Variants in PCDHGA5 observed in about 807,000 individuals in gnomAD.
PCDHGA5 encodes the protein protocadherin gamma-A5.
PCDHGA5 carries 36 observed loss-of-function variants against 56.7 expected under a neutral mutation model. The observed-to-expected ratio is 0.64, with a 90% CI of 0.49 to 0.84. The LOEUF is 0.84. PCDHGA5 is among the 40% of genes least tolerant of loss of function. PCDHGA5 has a pLI of 0.00. For missense variants in PCDHGA5, 1,305 were observed against 1,201.5 expected, an observed-to-expected ratio of 1.09 and a Z score of -1.27; for synonymous variants, 563 against 520.2, an observed-to-expected ratio of 1.08 and a Z score of -1.12.
At chr5:141,433,128 C>T (rs773994964) in intron 1 of PCDHGA5, 3 of 1,614,158 alleles carry the variant, frequency 1.9e-6, no homozygotes, top group Non-Finnish European at 1.7e-6. Flanking sequence ...AAAAGCGAGC[C>T]CCTTTTGCTG....
chr5:141,430,865 C>A, intron 1 of PCDHGA5: 2 of 1,595,350 alleles, frequency 1.3e-6, no homozygotes, highest in Non-Finnish European at 1.7e-6. Flanking sequence ...CTATTCAGTT[C>A]CGGAAGAGCT....
chr5:141,484,549 G>A (rs939394402), intron 1 of PCDHGA5, among the ~76,000 whole-genome samples: 1 of 152,162 alleles, frequency 6.6e-6, no homozygotes, highest in African/African-American at 2.4e-5. Context: ...GTTCTAATTA[G>A]CAGTTGCTCC....
intron 1 of PCDHGA5, among the ~76,000 whole-genome samples, chr5:141,425,336 G>A (rs2096868804): frequency 6.6e-6 from 1 of 152,182 alleles, no homozygotes; most frequent in South Asian, 2.1e-4. Flanking sequence ...CAAAAAGGAA[G>A]GGTTGGCTTT....
At position 141,404,169 on chromosome 5, in the gene PCDHGA5, C is replaced by A; in HGVS notation, c.2421+37418C>A. On this transcript the variant is annotated intron_variant, in intron 1 of 3. Transcript: ENST00000518069. Reference sequence around the variant, plus strand: ...GAAGAAGATTATTACAGATTGTTGACGGCCCAAATTCTTGACCGAGAAAAA... The same window carrying A: ...GAAGAAGATTATTACAGATTGTTGAAGGCCCAAATTCTTGACCGAGAAAAA... 1 of 1,612,736 alleles carries A rather than the reference C, an allele frequency of 6.2e-7. No individual in the cohort carries two copies. The highest frequency in any genetic ancestry group is 8.5e-7 in the Non-Finnish European group (1 of 1,179,276).
intron 1 of PCDHGA5, among the ~76,000 whole-genome samples, chr5:141,381,820 C>CTTTCTTTCTTTCT (rs1279410534): frequency 1.7e-3 from 198 of 119,790 alleles, no homozygotes; most frequent in African/African-American, 6.6e-3. Context: ...TTCTTTCTTT[C>CTTTCTTTCTTTCT]TTCTTCTTTT....
chr5:141,411,868 A>G (rs2095520425), intron 1 of PCDHGA5: 1 of 152,224 alleles, frequency 6.6e-6, no homozygotes, highest in South Asian at 2.1e-4. Flanking sequence ...TCAAAAAAAA[A>G]AGACATTTCT....
At chr5:141,399,519 G>T (rs1467117930) in intron 1 of PCDHGA5, 14 of 1,613,918 alleles carry the variant, frequency 8.7e-6, no homozygotes, top group Non-Finnish European at 1.2e-5. Context: ...ACCCTCCTGG[G>T]GCCTCCATCG....
intron 1 of PCDHGA5, chr5:141,418,637 T>C: frequency 6.2e-7 from 1 of 1,613,998 alleles, no homozygotes; most frequent in Non-Finnish European, 8.5e-7. Context: ...TCCAGGCACC[T>C]CCATCCTGAG....
chr5:141,414,855 C>T (rs2095795912), intron 1 of PCDHGA5: 3 of 1,614,236 alleles, frequency 1.9e-6, no homozygotes, highest in Non-Finnish European at 2.5e-6. Flanking sequence ...TGGACCAGAA[C>T]GACAATGCGC....
At chr5:141,419,354 C>T in intron 1 of PCDHGA5, 3 of 1,613,828 alleles carry the variant, frequency 1.9e-6, no homozygotes, top group Non-Finnish European at 1.7e-6. Flanking sequence ...CCTGGAGTCA[C>T]GAACGCTGTC....
At chr5:141,372,234 C>G in intron 1 of PCDHGA5, 1 of 1,613,350 alleles carries the variant, frequency 6.2e-7, no homozygotes, top group Non-Finnish European at 8.5e-7. Context: ...GGCCAGCGAG[C>G]CCGGGCTGTT....
chr5:141,381,844 T>TTTTTTTTC, intron 1 of PCDHGA5, among the ~76,000 whole-genome samples: 1 of 145,182 alleles, frequency 6.9e-6, no homozygotes. Context: ...TTTTTTTTTT[T>TTTTTTTTC]TTTTGGCAGA....
At chr5:141,403,276 C>A in intron 1 of PCDHGA5, 2 of 1,613,844 alleles carry the variant, frequency 1.2e-6, no homozygotes, top group South Asian at 2.2e-5. Flanking sequence ...ACTTTAAAGT[C>A]CTGGTTGAAG....
At chr5:141,455,860 ATTATTTATTTATTTATTTAT>A (rs145569377) in intron 1 of PCDHGA5, among the ~76,000 whole-genome samples, 117 of 139,848 alleles carry the variant, frequency 8.4e-4, no homozygotes, top group Non-Finnish European at 9.4e-4. Flanking sequence ...AATTTCTTTT[ATTATTTATTTATTTATTTAT>A]TTATTTATTT....
intron 1 of PCDHGA5, chr5:141,382,927 T>G: frequency 6.3e-7 from 1 of 1,579,076 alleles, no homozygotes; most frequent in Non-Finnish European, 8.6e-7. Context: ...GGGCGGGGAC[T>G]ACAGAGGATT....
rs1403789987 is a variant in PCDHGA5 at position 141,511,845 on chromosome 5, T to C, written c.*672T>C. The C allele has an allele frequency of 6.4e-6, 1 of 156,740 alleles. No individual in the cohort carries two copies. The highest frequency in any genetic ancestry group is 1.4e-5 in the Non-Finnish European group (1 of 70,694). 9.7% of individuals were successfully genotyped at this position (156,740 alleles called of 1,614,324 possible). A position where few individuals can be genotyped will look rare whatever the true frequency, so the allele number is the denominator to read the frequency against. On this transcript the variant is annotated 3_prime_UTR_variant, in exon 4 of 4. Transcript: ENST00000518069. ...AACGCCCTGGGGACCAGTCTTCTGT[T>C]TTGTTTTTCATTGTTTGACGTTTCC...
At chr5:141,455,537 A>G (rs1158681837) in intron 1 of PCDHGA5, among the ~76,000 whole-genome samples, 2 of 152,162 alleles carry the variant, frequency 1.3e-5, no homozygotes, top group Non-Finnish European at 2.9e-5. Flanking sequence ...CAGGCATATC[A>G]TTCACGTAGC....
intron 1 of PCDHGA5, chr5:141,395,163 G>A: frequency 6.2e-7 from 1 of 1,614,160 alleles, no homozygotes; most frequent in Middle Eastern, 1.6e-4. Flanking sequence ...CAGTCAGGAG[G>A]GCTGTGAGAA....
intron 1 of PCDHGA5, among the ~76,000 whole-genome samples, chr5:141,456,206 T>C (rs966457070): frequency 6.6e-6 from 1 of 152,098 alleles, no homozygotes; most frequent in African/African-American, 2.4e-5. Context: ...ACCACATTCC[T>C]CCCTGTGGCG....
Sources: gnomAD v4.1 joint callset for allele counts (sites outside exome capture counted in the v4.1 genomes callset) on GRCh38, gnomAD v4.1.1 for gene constraint, MANE v1.5 for transcripts, NCBI Gene and HGNC (gene_info 2026-07-23, HGNC 2026-07-21) for gene names.